PRPF18: variants seen among roughly 807,000 people sequenced by gnomAD.
PRPF18 encodes pre-mRNA-splicing factor 18.
Under a neutral mutation model 46.5 loss-of-function variants are expected in PRPF18, and 38 were observed. That is an observed-to-expected ratio of 0.82 (90% CI 0.63 to 1.07). The LOEUF is 1.07. Among genes scored for constraint, PRPF18 ranks in the 50% least tolerant of loss-of-function variants. The probability of loss-of-function intolerance (pLI) is 0.00; values close to 1 mark genes in which losing one functional copy is unlikely to be tolerated. For missense variants in PRPF18, 263 were observed against 410.0 expected, an observed-to-expected ratio of 0.64 and a Z score of 3.10; for synonymous variants, 152 against 146.7, an observed-to-expected ratio of 1.04 and a Z score of -0.26.
chr10:13,587,206 CG>C, intron 1 of PRPF18, 54 bp downstream of exon 1: 1 of 1,553,970 alleles, frequency 6.4e-7, no homozygotes, highest in Non-Finnish European at 8.9e-7. Context: ...GTATGTGTGT[CG>C]GGGTTTTGGG....
intron 9 of PRPF18, among the ~76,000 whole-genome samples, chr10:13,628,141 A>G (rs2080537063): frequency 6.6e-6 from 1 of 152,232 alleles, no homozygotes; most frequent in Non-Finnish European, 1.5e-5. Context: ...AACAACAAAA[A>G]GGAGCCAAGT....
At chr10:13,640,523 G>A in the PRPF18 span, 1 of 152,236 alleles carries the variant, frequency 6.6e-6, no homozygotes, top group Non-Finnish European at 1.5e-5. Flanking sequence ...GAGATTAGGG[G>A]AAACTGATGT....
chr10:13,601,421 A>G (rs2080107490), intron 3 of PRPF18, among the ~76,000 whole-genome samples: 1 of 152,250 alleles, frequency 6.6e-6, no homozygotes, highest in Admixed American at 6.5e-5. Context: ...AGTGATATAA[A>G]GAAATCAAAT....
chr10:13,592,521 T>C (rs1269227857), intron 1 of PRPF18, among the ~76,000 whole-genome samples: 1 of 152,248 alleles, frequency 6.6e-6, no homozygotes, highest in Non-Finnish European at 1.5e-5. Flanking sequence ...TAATCTGTGA[T>C]AGTTGAAATA....
Position 13,630,498 on chromosome 10 carries a change from G to T in PRPF18, c.*158G>T. The stretch of plus-strand genomic sequence containing the variant: ...TTGATTGGTTTTAAGAACTTTGTTG[G>T]CCTTCATTTCATATCTGACTGCAAG... On this transcript the variant is annotated 3_prime_UTR_variant, in exon 10 of 10. Transcript: ENST00000378572. 2.1e-6 allele frequency: 1 copy of T among 471,878 alleles called. No homozygotes were observed. Among genetic ancestry groups the T allele is most frequent in the Admixed American group, 4.0e-5 (1 of 25,156 alleles). The allele number at this position is 471,878 out of a possible 1,614,324, so 29.2% of individuals were successfully genotyped here.
intron 2 of PRPF18, chr10:13,597,795 G>T (rs1589120372): frequency 2.1e-5 from 13 of 613,284 alleles, no homozygotes; most frequent in African/African-American, 5.9e-5. Context: ...ATCAAAGCTT[G>T]AATTTTTTTT....
intron 1 of PRPF18, among the ~76,000 whole-genome samples, chr10:13,596,218 C>G (rs1406745343): frequency 6.6e-6 from 1 of 152,114 alleles, no homozygotes. Flanking sequence ...TGTAAAATGT[C>G]TTTGATTTGT....
At chr10:13,625,334 C>G (rs1347794774) in intron 9 of PRPF18, among the ~76,000 whole-genome samples, 1 of 152,038 alleles carries the variant, frequency 6.6e-6, no homozygotes, top group African/African-American at 2.4e-5. Context: ...CAAAAAAATT[C>G]TTAGGTAACG....
chr10:13,591,103 T>A, intron 1 of PRPF18, among the ~76,000 whole-genome samples: 1 of 152,208 alleles, frequency 6.6e-6, no homozygotes, highest in East Asian at 1.9e-4. Flanking sequence ...GGGATAGATC[T>A]CAAGTCTTAG....
chr10:13,592,586 A>C (rs2079980103), intron 1 of PRPF18, among the ~76,000 whole-genome samples: 1 of 152,194 alleles, frequency 6.6e-6, no homozygotes, highest in African/African-American at 2.4e-5. Flanking sequence ...AGTGACTAAG[A>C]TATCCTCTTA....
At chr10:13,592,136 A>G in intron 1 of PRPF18, 1 of 593,220 alleles carries the variant, frequency 1.7e-6, no homozygotes, top group Non-Finnish European at 3.1e-6. Flanking sequence ...CTTTTCTGGA[A>G]TACATAGCAC....
the PRPF18 span, chr10:13,638,043 G>C: frequency 1.3e-5 from 2 of 152,330 alleles, no homozygotes; most frequent in East Asian, 3.9e-4. Context: ...AAAACAACTT[G>C]TCCTCTCAGG....
intron 3 of PRPF18, among the ~76,000 whole-genome samples, chr10:13,602,286 G>T (rs768803761): frequency 6.6e-6 from 1 of 152,176 alleles, no homozygotes; most frequent in Non-Finnish European, 1.5e-5. Flanking sequence ...TTCAGTGGTC[G>T]TTAATGTCTC....
chr10:13,650,234 A>AACTT, the PRPF18 span, among the ~76,000 whole-genome samples: 20 of 152,244 alleles, frequency 1.3e-4, no homozygotes, highest in Non-Finnish European at 2.6e-4. Context: ...ACGTATAACT[A>AACTT]ACTTACAGAA....
At chr10:13,612,905 G>C (rs994696344) in intron 6 of PRPF18, among the ~76,000 whole-genome samples, 44 of 152,096 alleles carry the variant, frequency 2.9e-4, no homozygotes, top group Admixed American at 1.9e-3. Context: ...GGTCTAGATA[G>C]AGTATGAACA....
intron 8 of PRPF18, among the ~76,000 whole-genome samples, chr10:13,615,090 A>G (rs2080321217): frequency 6.6e-6 from 1 of 152,124 alleles, no homozygotes; most frequent in African/African-American, 2.4e-5. Flanking sequence ...CAAAGAAAAT[A>G]TTTTTTGTCT....
chr10:13,591,961 T>G (rs923397868), intron 1 of PRPF18: 20 of 1,119,242 alleles, frequency 1.8e-5, no homozygotes, highest in Non-Finnish European at 2.3e-5. Context: ...CTCAACAGCT[T>G]TTGAGGCACA....
At chr10:13,638,443 A>G in the PRPF18 span, among the ~76,000 whole-genome samples, 4 of 151,846 alleles carry the variant, frequency 2.6e-5, no homozygotes, top group East Asian at 7.7e-4. Flanking sequence ...GAGATTTATT[A>G]TAAGGAATTG....
chr10:13,595,575 T>C (rs369598390), intron 1 of PRPF18, among the ~76,000 whole-genome samples: 34 of 152,220 alleles, frequency 2.2e-4, no homozygotes, highest in African/African-American at 8.0e-4. Flanking sequence ...ACCAGAGTTC[T>C]AGTTGCTACT....
Sources: allele counts gnomAD v4.1 joint callset (sites outside exome capture counted in the v4.1 genomes callset), GRCh38; gene constraint gnomAD v4.1.1; transcripts MANE v1.5; gene names NCBI Gene and HGNC (gene_info 2026-07-23, HGNC 2026-07-21).